Variants in TMTC4 observed in about 807,000 individuals in gnomAD.
TMTC4 encodes the protein protein O-mannosyl-transferase TMTC4.
Under a neutral mutation model 86.0 loss-of-function variants are expected in TMTC4, and 65 were observed. The observed-to-expected ratio is 0.76, with a 90% CI of 0.62 to 0.93. TMTC4 has a LOEUF of 0.93. Among genes scored for constraint, TMTC4 ranks in the 40% least tolerant of loss-of-function variants. The probability of loss-of-function intolerance (pLI) is 0.00; values close to 1 mark genes in which losing one functional copy is unlikely to be tolerated. For synonymous variants in TMTC4, 379 were observed against 382.5 expected (o/e 0.99, Z 0.11); for missense variants, 866 against 948.1 (o/e 0.91, Z 1.14).
chr13:100,646,489 C>T (rs979757618), intron 6 of TMTC4, among the ~76,000 whole-genome samples: 5 of 152,204 alleles, frequency 3.3e-5, no homozygotes, highest in African/African-American at 1.2e-4. Flanking sequence ...AGGGGGCCAC[C>T]TGGCCTCGAC....
At chr13:100,669,078 A>G (rs896619381) in intron 2 of TMTC4, among the ~76,000 whole-genome samples, 1 of 152,150 alleles carries the variant, frequency 6.6e-6, no homozygotes, top group Non-Finnish European at 1.5e-5. Context: ...ATCCTCATCA[A>G]CCCCACAAGG....
chr13:100,608,576 G>A (rs1877034106), intron 17 of TMTC4, among the ~76,000 whole-genome samples: 1 of 152,192 alleles, frequency 6.6e-6, no homozygotes, highest in South Asian at 2.1e-4. Flanking sequence ...GCCTGTACCT[G>A]GGCCTGGGAG....
intron 5 of TMTC4, among the ~76,000 whole-genome samples, chr13:100,657,861 C>T (rs1770357): frequency 0.93 from 142,120 of 152,238 alleles, 67,126 homozygotes; most frequent in East Asian, 1. Flanking sequence ...CGGTTATACA[C>T]GAAATGCCGA....
At chr13:100,673,395 T>G in intron 1 of TMTC4, 1 of 981,122 alleles carries the variant, frequency 1.0e-6, no homozygotes. Context: ...CCTGCTGACC[T>G]CTGCCCAGCC....
intron 6 of TMTC4, among the ~76,000 whole-genome samples, chr13:100,654,910 C>A (rs1424335537): frequency 6.6e-6 from 1 of 151,666 alleles, no homozygotes; most frequent in African/African-American, 2.4e-5. Flanking sequence ...CCATTCAGAA[C>A]AAGGAGTAGT....
chr13:100,674,232 C>CAGGCGCTCGCGGCGCGGCGGGGG, intron 1 of TMTC4: 3 of 981,096 alleles, frequency 3.1e-6, no homozygotes, highest in Non-Finnish European at 3.6e-6. Context: ...CGTGGAGTAG[C>CAGGCGCTCGCGGCGCGGCGGGGG]AGGCGCTCGC....
chr13:100,637,412 G>T, intron 9 of TMTC4, 126 bp downstream of exon 9: 2 of 1,262,708 alleles, frequency 1.6e-6, no homozygotes, highest in Non-Finnish European at 2.2e-6. Flanking sequence ...AAGCAAACAT[G>T]GAGGTGGCGC....
chr13:100,672,184 G>A (rs980257924), intron 1 of TMTC4, among the ~76,000 whole-genome samples: 1 of 152,224 alleles, frequency 6.6e-6, no homozygotes, highest in Non-Finnish European at 1.5e-5. Flanking sequence ...TGTCTCGGGC[G>A]CACCCATGTT....
chr13:100,658,194 A>G (rs1168314990), intron 5 of TMTC4, among the ~76,000 whole-genome samples: 10 of 152,228 alleles, frequency 6.6e-5, no homozygotes, highest in African/African-American at 2.4e-4. Flanking sequence ...CACACAGAAC[A>G]GAGCCTGGTA....
rs1886710376 is a variant in TMTC4, at chr13:100,668,777, A to G, written c.21T>C (p.Asn7=). The change falls in exon 3 of 19, where the codon AAT becomes AAC. Residue 7 remains asparagine (N), a synonymous_variant. Transcript: ENST00000342624. MIPNQH[N]AGAGSHQPAV... is the part of the protein sequence containing the mutation. ...CAGGTTGGTGGCTCCCGGCTCCAGC[A>G]TTATGCTGGTTAGGAATCTGCAGGA... 4 of 1,614,082 alleles carry G rather than the reference A, an allele frequency of 2.5e-6. No homozygotes were observed. The highest frequency in any genetic ancestry group is 2.2e-5 in the East Asian group (1 of 44,896).
chr13:100,653,971 C>T lies in TMTC4; in HGVS notation c.640+2410G>A, dbSNP rs1321329875. ...AAGAGGCTGTTGGTGCCTGCAAAGG[C>T]CCAGAGACCACTCTGGTGGTGACTC... On this transcript the variant is annotated intron_variant, in intron 6 of 18. Coordinates refer to ENST00000342624, the MANE Select transcript of TMTC4 (RefSeq NM_032813.5). 7.9e-5 allele frequency among the ~76,000 whole-genome samples: 12 copies of T among 152,324 alleles called. No homozygotes were observed. The East Asian group carries it at 2.1e-3, about 27-fold the overall frequency.
At chr13:100,674,242 C>T (rs1594402430) in intron 1 of TMTC4, 1 of 980,502 alleles carries the variant, frequency 1.0e-6, no homozygotes, top group East Asian at 1.2e-4. Context: ...CAGGCGCTCG[C>T]GGCGCGGCGG....
intron 6 of TMTC4, among the ~76,000 whole-genome samples, chr13:100,644,919 A>G (rs948970086): frequency 6.6e-6 from 1 of 151,666 alleles, no homozygotes; most frequent in African/African-American, 2.4e-5. Flanking sequence ...GGTTCAAGAA[A>G]CTCTCCTGCC....
rs182451988 is a variant in TMTC4, at chr13:100,622,015, G to T, written c.1836+3520C>A. Among the ~76,000 whole-genome samples, 100 of 152,210 alleles carry T rather than the reference G, an allele frequency of 6.6e-4. 1 individual carries two copies. Among genetic ancestry groups the T allele is most frequent in the African/African-American group, 2.3e-3 (95 of 41,538 alleles). ...CCCTTCCCCCTGGGAACAAACAGCCGATCATTATAATAATTTCAGCTCTCC... is the reference window on the plus strand; with the variant it reads ...CCCTTCCCCCTGGGAACAAACAGCCTATCATTATAATAATTTCAGCTCTCC... On this transcript the variant is annotated intron_variant, in intron 15 of 18. Transcript: ENST00000342624.
intron 6 of TMTC4, among the ~76,000 whole-genome samples, chr13:100,655,749 T>C (rs1885028765): frequency 6.6e-6 from 1 of 151,556 alleles, no homozygotes; most frequent in Non-Finnish European, 1.5e-5. Flanking sequence ...CGATGAGCGA[T>C]GGGAAGAAGT....
chr13:100,625,344 T>C, intron 15 of TMTC4, 191 bp downstream of exon 15: 2 of 742,014 alleles, frequency 2.7e-6, no homozygotes, highest in Non-Finnish European at 2.2e-6. Flanking sequence ...ATTCACACTG[T>C]ACTGCTCTCT....
rs1886698919 is a variant in TMTC4, at chr13:100,668,715, T to C, written c.83A>G (p.Asp28Gly). 6.2e-7 allele frequency: 1 copy of C among 1,614,234 alleles called. No individual in the cohort carries two copies. Residue 28 changes from aspartate to glycine, a missense_variant, in exon 3 of 19, where the codon GAT (aspartate) becomes GGT (glycine). By Grantham distance (94) the Asp-to-Gly change is moderately conservative. Coordinates refer to ENST00000342624, the MANE Select transcript of TMTC4 (RefSeq NM_032813.5). Reference protein sequence around the residue: ...FRMAVLDTDLDHILPSSVLPP... With the variant: ...FRMAVLDTDLGHILPSSVLPP... ...AAGAACAGAAGATGGAAGAATGTGA[T>C]CCAAATCAGTGTCCAACACGGCCAT... is the stretch of plus-strand genomic sequence containing the variant.
intron 5 of TMTC4, 49 bp from the exon 6 acceptor site, chr13:100,656,517 G>A: frequency 2.7e-6 from 3 of 1,110,752 alleles, no homozygotes; most frequent in East Asian, 2.9e-5. Flanking sequence ...CACATTTAAG[G>A]AAATCCTAAA....
intron 15 of TMTC4, among the ~76,000 whole-genome samples, chr13:100,618,076 T>C (rs1292510185): frequency 2.0e-5 from 3 of 152,226 alleles, no homozygotes; most frequent in African/African-American, 7.2e-5. Flanking sequence ...AATTCCCAGG[T>C]ATTTTATCCT....
Sources: gnomAD v4.1 joint callset for allele counts (sites outside exome capture counted in the v4.1 genomes callset) on GRCh38, gnomAD v4.1.1 for gene constraint, MANE v1.5 for transcripts, NCBI Gene and HGNC (gene_info 2026-07-23, HGNC 2026-07-21) for gene names.